The following COL11A1 variants were observed in gnomAD, a reference collection of about 807,000 sequenced individuals.
COL11A1 encodes the protein collagen type XI alpha 1 chain.
COL11A1 carries 74 observed loss-of-function variants against 265.2 expected under a neutral mutation model. The ratio of observed to expected loss-of-function variants is 0.28; its 90% CI spans 0.23 to 0.34. The LOEUF (loss-of-function observed/expected upper bound fraction) is 0.34, where lower values mean the gene tolerates loss of function less well. Among genes scored for constraint, COL11A1 ranks in the 10% least tolerant of loss-of-function variants. The pLI is 1.00. For synonymous variants in COL11A1, 816 were observed against 727.6 expected, an observed-to-expected ratio of 1.12 and a Z score of -1.96; for missense variants, 2,165 against 2,263.6, an observed-to-expected ratio of 0.96 and a Z score of 0.88.
intron 24 of COL11A1, chr1:103,001,255 A>G: frequency 2.5e-6 from 1 of 397,406 alleles, no homozygotes; most frequent in Non-Finnish European, 4.4e-6. Context: ...GGGAATATTT[A>G]TAGTATTTAA....
At chr1:103,025,488 G>T in intron 7 of COL11A1, 33 bp downstream of exon 7, 6 of 1,377,610 alleles carry the variant, frequency 4.4e-6, no homozygotes, top group Non-Finnish European at 6.2e-6. Context: ...TTAAAAAGTG[G>T]GACTGTGATT....
At chr1:102,935,712 A>G (rs1184825234) in intron 44 of COL11A1, among the ~76,000 whole-genome samples, 1 of 152,220 alleles carries the variant, frequency 6.6e-6, no homozygotes, top group African/African-American at 2.4e-5. Flanking sequence ...TTACATTAGT[A>G]ACGGGTCAGG....
intron 41 of COL11A1, among the ~76,000 whole-genome samples, chr1:102,957,837 T>G (rs546560706): frequency 6.6e-6 from 1 of 151,596 alleles, no homozygotes; most frequent in South Asian, 2.1e-4. Flanking sequence ...AAATATGGAA[T>G]GGTAAAATAG....
At chr1:103,026,417 T>TA in intron 5 of COL11A1, 85 bp from the exon 6 acceptor site, 1 of 871,876 alleles carries the variant, frequency 1.1e-6, no homozygotes, top group East Asian at 2.4e-5. Flanking sequence ...AACTTTTACA[T>TA]AGTGTAAATG....
At chr1:102,994,164 A>G (rs1445521595) in intron 28 of COL11A1, among the ~76,000 whole-genome samples, 1 of 152,130 alleles carries the variant, frequency 6.6e-6, no homozygotes, top group East Asian at 1.9e-4. Context: ...AAGCCTTTTG[A>G]TAATATTGTA....
chr1:102,955,626 T>C (rs903129441), intron 41 of COL11A1, among the ~76,000 whole-genome samples: 2 of 152,166 alleles, frequency 1.3e-5, no homozygotes, highest in Admixed American at 1.3e-4. Context: ...TTCTCTACCA[T>C]AAAGAATATC....
intron 31 of COL11A1, among the ~76,000 whole-genome samples, chr1:102,982,701 G>A (rs903817727): frequency 6.6e-6 from 1 of 151,996 alleles, no homozygotes; most frequent in Non-Finnish European, 1.5e-5. Context: ...TGCTACTCAA[G>A]GAAGTATTTT....
At chr1:102,916,433 C>T (rs1046045696) in intron 49 of COL11A1, among the ~76,000 whole-genome samples, 1 of 152,008 alleles carries the variant, frequency 6.6e-6, no homozygotes, top group Non-Finnish European at 1.5e-5. Context: ...TAAAACAATA[C>T]ATTCATTTAC....
At chr1:103,028,364 C>T (rs560319588) in intron 5 of COL11A1, among the ~76,000 whole-genome samples, 4 of 152,212 alleles carry the variant, frequency 2.6e-5, no homozygotes, top group African/African-American at 9.6e-5. Context: ...CTTATTCACT[C>T]CTGGTTCTCC....
chr1:102,897,473 C>G (rs1048054239), intron 57 of COL11A1, among the ~76,000 whole-genome samples: 1 of 151,522 alleles, frequency 6.6e-6, no homozygotes, highest in African/African-American at 2.4e-5. Context: ...AACTAAGTCA[C>G]CTAGTAAGGA....
chr1:102,912,566 G>A (rs1489543525), intron 53 of COL11A1, among the ~76,000 whole-genome samples: 1 of 152,126 alleles, frequency 6.6e-6, no homozygotes, highest in Non-Finnish European at 1.5e-5. Flanking sequence ...ATAAATATGT[G>A]AAAACATAAT....
Position 102,976,289 on chromosome 1 carries a change from C to CTTTTTTTTTTTTTTTTTTTTTT in COL11A1, c.2755-1428_2755-1407dup, listed in dbSNP as rs149842131. 2.0e-4 allele frequency among the ~76,000 whole-genome samples: 12 copies of CTTTTTTTTTTTTTTTTTTTTTT among 58,602 alleles called. 4 individuals carry two copies. Among genetic ancestry groups the CTTTTTTTTTTTTTTTTTTTTTT allele is most frequent in the Non-Finnish European group, 3.2e-4 (10 of 31,088 alleles). The allele number at this position is 58,602 out of a possible 152,430, so 38.4% of individuals were successfully genotyped here. On this transcript the variant is annotated intron_variant, in intron 35 of 66. Transcript: ENST00000370096. ...TATAAAATTTCACAGAAAACGTTGG[C>CTTTTTTTTTTTTTTTTTTTTTT]TTTTTTTTTTTTTTTTTTTTTTTTT... is the stretch of plus-strand genomic sequence containing the variant.
chr1:102,965,936 AT>A (rs757253936), intron 37 of COL11A1, among the ~76,000 whole-genome samples: 3 of 152,210 alleles, frequency 2.0e-5, no homozygotes, highest in Non-Finnish European at 4.4e-5. Context: ...AGCCTGTGAT[AT>A]TAATACATTT....
At chr1:102,911,641 A>C (rs2101013353) in intron 54 of COL11A1, among the ~76,000 whole-genome samples, 1 of 152,326 alleles carries the variant, frequency 6.6e-6, no homozygotes, top group African/African-American at 2.4e-5. Context: ...CAATATTGTC[A>C]GCAATACCTA....
chr1:102,937,777 C>A (rs1030858117), intron 44 of COL11A1, among the ~76,000 whole-genome samples: 1 of 152,180 alleles, frequency 6.6e-6, no homozygotes, highest in Non-Finnish European at 1.5e-5. Flanking sequence ...ACCTGCTGAA[C>A]TGTAAGCCAA....
intron 4 of COL11A1, among the ~76,000 whole-genome samples, chr1:103,040,353 A>T (rs1435190437): frequency 6.6e-6 from 1 of 151,516 alleles, no homozygotes; most frequent in Non-Finnish European, 1.5e-5. Context: ...CAAAATATAT[A>T]TTAAAGTATA....
intron 31 of COL11A1, among the ~76,000 whole-genome samples, chr1:102,982,386 C>T (rs1663122526): frequency 1.3e-5 from 2 of 151,876 alleles, no homozygotes; most frequent in African/African-American, 4.8e-5. Context: ...CAAAACAAAA[C>T]AATTGCAATT....
chr1:103,007,904 A>G (rs1665771787), intron 15 of COL11A1, among the ~76,000 whole-genome samples: 1 of 151,936 alleles, frequency 6.6e-6, no homozygotes, highest in Admixed American at 6.6e-5. Context: ...TACAGGTTAA[A>G]GAGTATGTAG....
In COL11A1 at chr1:102,890,489, G is replaced by C; in HGVS notation, c.4318C>G (p.Pro1440Ala). The C allele has an allele frequency of 6.2e-7, 1 of 1,607,136 alleles. No homozygotes were observed. Among genetic ancestry groups the C allele is most frequent in the Non-Finnish European group, 8.5e-7 (1 of 1,177,132 alleles). Residue 1440 changes from proline to alanine, a missense_variant, in exon 58 of 67, where the codon CCT becomes GCT. Physicochemically the swap from Pro to Ala is conservative, Grantham distance 27 (BLOSUM62 -1). Coordinates refer to ENST00000370096, the MANE Select transcript of COL11A1 (RefSeq NM_001854.4). ...GAGCCAGGGTCACCTTTGAGACCAG[G>C]TAAGCCAGGAGGTCCCTAAATAATA... Reference protein sequence around the residue: ...PPGPMGPPGLPGLKGDPGSKG... With the variant: ...PPGPMGPPGLAGLKGDPGSKG...
Sources: gnomAD v4.1 joint callset for allele counts (sites outside exome capture counted in the v4.1 genomes callset) on GRCh38, gnomAD v4.1.1 for gene constraint, MANE v1.5 for transcripts, NCBI Gene and HGNC (gene_info 2026-07-23, HGNC 2026-07-21) for gene names.